Variants in ADCY8 observed in about 807,000 individuals in gnomAD.
ADCY8 encodes the protein adenylate cyclase type 8.
In ADCY8, 51 loss-of-function variants were observed where a neutral mutation model predicts 119.7. That is an observed-to-expected ratio of 0.43 (90% CI 0.34 to 0.54). The LOEUF is 0.54. ADCY8 is among the 20% of genes least tolerant of loss of function. The pLI is 0.03. For synonymous variants in ADCY8, 665 were observed against 651.0 expected, an observed-to-expected ratio of 1.02 and a Z score of -0.33; for missense variants, 1,383 against 1,598.8, an observed-to-expected ratio of 0.87 and a Z score of 2.30.
chr8:130,992,018 A>G (rs977174275), intron 1 of ADCY8, among the ~76,000 whole-genome samples: 1 of 151,340 alleles, frequency 6.6e-6, no homozygotes, highest in Non-Finnish European at 1.5e-5. Flanking sequence ...GGCCAATAGA[A>G]TATAACCATT....
intron 3 of ADCY8, among the ~76,000 whole-genome samples, chr8:130,946,941 T>A (rs1271703848): frequency 6.6e-6 from 1 of 152,196 alleles, no homozygotes; most frequent in African/African-American, 2.4e-5. Flanking sequence ...AAGGATTTAT[T>A]GAATAAAAGA....
intron 11 of ADCY8, among the ~76,000 whole-genome samples, chr8:130,846,540 C>CTTCCTTCA (rs1233082979): frequency 3.4e-4 from 44 of 127,674 alleles, no homozygotes; most frequent in African/African-American, 1.2e-3. Context: ...CCCTTCCTTC[C>CTTCCTTCA]TTCCTTCATT....
chr8:131,013,522 C>A (rs1823376198), intron 1 of ADCY8, among the ~76,000 whole-genome samples: 1 of 151,846 alleles, frequency 6.6e-6, no homozygotes, highest in Admixed American at 6.6e-5. Flanking sequence ...CACAAGACCC[C>A]CTCCCCCAGT....
In ADCY8 at chr8:131,002,272, G is replaced by A. The variant is rs1193206351; in HGVS notation, c.961-11730C>T. 5.9e-5 allele frequency among the ~76,000 whole-genome samples: 9 copies of A among 152,144 alleles called. 1 individual carries two copies. The highest frequency in any genetic ancestry group is 2.2e-4 in the African/African-American group (9 of 41,422). On this transcript the variant is annotated intron_variant, in intron 1 of 17. Coordinates refer to ENST00000286355, the MANE Select transcript of ADCY8 (RefSeq NM_001115.3). ...GGTTGCAGTTATTGTCATTATTATT[G>A]TTTTCATTGTCTATATGTCACTACA...
At chr8:130,988,276 G>T (rs968290920) in intron 2 of ADCY8, among the ~76,000 whole-genome samples, 2 of 152,192 alleles carry the variant, frequency 1.3e-5, no homozygotes, top group Non-Finnish European at 1.5e-5. Flanking sequence ...ATGATGTGGA[G>T]TCAGCTATCT....
intron 5 of ADCY8, among the ~76,000 whole-genome samples, chr8:130,932,199 G>T (rs1820650339): frequency 1.3e-5 from 2 of 152,104 alleles, no homozygotes; most frequent in Admixed American, 1.3e-4. Flanking sequence ...ATTACTTCTG[G>T]GTGGGCCAGA....
At chr8:131,025,534 C>T (rs999665243) in intron 1 of ADCY8, among the ~76,000 whole-genome samples, 4 of 152,146 alleles carry the variant, frequency 2.6e-5, no homozygotes, top group Non-Finnish European at 5.9e-5. Flanking sequence ...GTGTCCATTC[C>T]GGTGATATAC....
intron 12 of ADCY8, among the ~76,000 whole-genome samples, chr8:130,825,199 A>G (rs1563680381): frequency 6.6e-6 from 1 of 152,228 alleles, no homozygotes; most frequent in Non-Finnish European, 1.5e-5. Flanking sequence ...GGGAACACTC[A>G]AAATCCTCTC....
intron 14 of ADCY8, among the ~76,000 whole-genome samples, chr8:130,807,634 G>A (rs1272602448): frequency 6.6e-6 from 1 of 152,162 alleles, no homozygotes; most frequent in African/African-American, 2.4e-5. Flanking sequence ...CTGGCACTTT[G>A]ATCTTGGACT....
chr8:130,924,277 A>C (rs1820397205), intron 5 of ADCY8, among the ~76,000 whole-genome samples: 2 of 152,176 alleles, frequency 1.3e-5, no homozygotes, highest in Admixed American at 1.3e-4. Context: ...CCTATGGTCT[A>C]AGAAGAGCGT....
At chr8:130,882,490 C>A (rs1818814214) in intron 8 of ADCY8, among the ~76,000 whole-genome samples, 2 of 152,134 alleles carry the variant, frequency 1.3e-5, no homozygotes, top group Admixed American at 1.3e-4. Flanking sequence ...ACGGGATTGT[C>A]TTCTTCGTAC....
At chr8:130,860,678 G>A (rs1238384952) in intron 9 of ADCY8, among the ~76,000 whole-genome samples, 1 of 152,036 alleles carries the variant, frequency 6.6e-6, no homozygotes, top group Non-Finnish European at 1.5e-5. Context: ...GAACGTGCAG[G>A]TTTGTTACAT....
At chr8:130,796,669 G>A (rs1478132558) in intron 15 of ADCY8, among the ~76,000 whole-genome samples, 3 of 152,098 alleles carry the variant, frequency 2.0e-5, no homozygotes, top group Admixed American at 2.0e-4. Flanking sequence ...GCAAAACTGA[G>A]AGTGTTTGGG....
intron 9 of ADCY8, among the ~76,000 whole-genome samples, chr8:130,865,071 C>A (rs1239783321): frequency 6.6e-6 from 1 of 151,990 alleles, no homozygotes; most frequent in East Asian, 1.9e-4. Context: ...ATTAGTTTCC[C>A]CTCTTGATAT....
At chr8:130,852,306 A>G (rs1394974810) in intron 9 of ADCY8, among the ~76,000 whole-genome samples, 3 of 152,128 alleles carry the variant, frequency 2.0e-5, no homozygotes, top group Non-Finnish European at 4.4e-5. Flanking sequence ...GATCACCTTG[A>G]CAAGAAATCT....
At chr8:130,988,868 C>A (rs1563757289) in intron 2 of ADCY8, among the ~76,000 whole-genome samples, 1 of 152,158 alleles carries the variant, frequency 6.6e-6, no homozygotes, top group Admixed American at 6.5e-5. Flanking sequence ...ATATCATAAA[C>A]ACGAAATAAG....
chr8:130,972,846 T>TG (rs1821963742), intron 2 of ADCY8, among the ~76,000 whole-genome samples: 1 of 151,168 alleles, frequency 6.6e-6, no homozygotes, highest in Non-Finnish European at 1.5e-5. Context: ...CATCAGTTTT[T>TG]TTTTCCCCCA....
At chr8:130,995,512 G>A (rs187140557) in intron 1 of ADCY8, among the ~76,000 whole-genome samples, 8 of 152,208 alleles carry the variant, frequency 5.3e-5, no homozygotes, top group African/African-American at 1.2e-4. Context: ...AGTGAGGATC[G>A]TTTGATCCTC....
intron 1 of ADCY8, among the ~76,000 whole-genome samples, chr8:131,025,316 A>G (rs1489272620): frequency 1.3e-5 from 2 of 152,220 alleles, no homozygotes; most frequent in Non-Finnish European, 2.9e-5. Context: ...GTGGCCTTAA[A>G]GAAGCATCAA....
Sources: allele counts gnomAD v4.1 joint callset (sites outside exome capture counted in the v4.1 genomes callset), GRCh38; gene constraint gnomAD v4.1.1; transcripts MANE v1.5; gene names NCBI Gene and HGNC (gene_info 2026-07-23, HGNC 2026-07-21).